FRAS1: variants seen among roughly 807,000 people sequenced by gnomAD.
FRAS1 encodes the protein Fraser extracellular matrix complex subunit 1, also known as extracellular matrix organizing protein FRAS1.
Under a neutral mutation model 435.2 loss-of-function variants are expected in FRAS1, and 290 were observed. That is an observed-to-expected ratio of 0.67 (90% CI 0.61 to 0.73). FRAS1 has a LOEUF of 0.73. Ranked by LOEUF, FRAS1 falls within the 30% of genes least tolerant of loss-of-function variation. FRAS1 has a pLI of 0.00. For synonymous variants in FRAS1, 1,800 were observed against 1,851.0 expected (o/e 0.97, Z 0.71); for missense variants, 4,860 against 5,001.5 (o/e 0.97, Z 0.85).
chr4:78,374,413 A>T (rs1419378585), intron 25 of FRAS1, among the ~76,000 whole-genome samples, 162 bp downstream of exon 25: 1 of 152,232 alleles, frequency 6.6e-6, no homozygotes, highest in Non-Finnish European at 1.5e-5. Flanking sequence ...TATCTGCCGT[A>T]TGTTGGTTAA....
intron 38 of FRAS1, among the ~76,000 whole-genome samples, chr4:78,435,982 A>G (rs1370959430): frequency 6.6e-6 from 1 of 152,218 alleles, no homozygotes; most frequent in Admixed American, 6.5e-5. Flanking sequence ...AGGGCGGAAC[A>G]TCTTAAACTA....
intron 2 of FRAS1, among the ~76,000 whole-genome samples, chr4:78,154,054 C>T (rs968794248): frequency 6.6e-6 from 1 of 151,740 alleles, no homozygotes; most frequent in Non-Finnish European, 1.5e-5. Context: ...ATTTGGATTG[C>T]AGATTATTCG....
chr4:78,412,408 T>C (rs1733377785), intron 31 of FRAS1, among the ~76,000 whole-genome samples: 1 of 152,214 alleles, frequency 6.6e-6, no homozygotes. Context: ...AAAGTTGATT[T>C]TGTGACCATT....
intron 26 of FRAS1, among the ~76,000 whole-genome samples, chr4:78,376,962 C>G (rs1404365115): frequency 6.6e-6 from 1 of 152,106 alleles, no homozygotes; most frequent in African/African-American, 2.4e-5. Flanking sequence ...CCACTGCACT[C>G]CAGCCTGGGT....
intron 2 of FRAS1, among the ~76,000 whole-genome samples, chr4:78,116,122 C>T (rs1384605072): frequency 3.9e-5 from 6 of 152,160 alleles, no homozygotes; most frequent in Non-Finnish European, 8.8e-5. Context: ...TATTCATTTT[C>T]CATGTAGTTG....
chr4:78,470,634 G>A (rs927567461), intron 51 of FRAS1, among the ~76,000 whole-genome samples: 17 of 152,178 alleles, frequency 1.1e-4, no homozygotes, highest in African/African-American at 3.9e-4. Flanking sequence ...TGTTTATATA[G>A]CATTTGTGCC....
intron 22 of FRAS1, among the ~76,000 whole-genome samples, chr4:78,365,061 A>G (rs996488767): frequency 2.6e-5 from 4 of 152,226 alleles, no homozygotes; most frequent in Admixed American, 1.3e-4. Flanking sequence ...ATAGTGGAGA[A>G]TAAGTTGTCA....
chr4:78,181,391 C>G, intron 2 of FRAS1: 1 of 1,611,988 alleles, frequency 6.2e-7, no homozygotes, highest in Non-Finnish European at 8.5e-7. Context: ...GTGAGATCCG[C>G]TACCTCCACG....
At chr4:78,402,217 A>G (rs1732921189) in intron 30 of FRAS1, among the ~76,000 whole-genome samples, 1 of 152,196 alleles carries the variant, frequency 6.6e-6, no homozygotes, top group South Asian at 2.1e-4. Flanking sequence ...AATTATAGCC[A>G]TTAAAAGTAA....
chr4:78,111,706 A>T (rs1742711165), intron 2 of FRAS1, among the ~76,000 whole-genome samples: 1 of 134,272 alleles, frequency 7.4e-6, no homozygotes, highest in Non-Finnish European at 1.6e-5. Context: ...TACATATGTA[A>T]CTAACCTGCA....
chr4:78,175,119 G>C (rs1004159418), intron 2 of FRAS1, among the ~76,000 whole-genome samples: 3 of 152,186 alleles, frequency 2.0e-5, no homozygotes, highest in Non-Finnish European at 1.5e-5. Flanking sequence ...GGCCCCATCC[G>C]GACACTGCCC....
intron 14 of FRAS1, among the ~76,000 whole-genome samples, chr4:78,307,728 T>C (rs976314641): frequency 3.3e-5 from 5 of 152,204 alleles, no homozygotes; most frequent in African/African-American, 4.8e-5. Flanking sequence ...GCATGGTGCA[T>C]GCACCCACTG....
intron 47 of FRAS1, among the ~76,000 whole-genome samples, chr4:78,453,454 T>C (rs1330120384): frequency 6.6e-6 from 1 of 152,142 alleles, no homozygotes; most frequent in Non-Finnish European, 1.5e-5. Context: ...GGGGAGAACC[T>C]ACACAAGCTG....
At chr4:78,395,375 A>T (rs1426765761) in intron 29 of FRAS1, among the ~76,000 whole-genome samples, 2 of 151,968 alleles carry the variant, frequency 1.3e-5, no homozygotes, top group Non-Finnish European at 2.9e-5. Flanking sequence ...TGTTATGTCC[A>T]TTTGTTCCAT....
chr4:78,432,775 C>T (rs1028742760), intron 38 of FRAS1, among the ~76,000 whole-genome samples, 171 bp downstream of exon 38: 1 of 152,206 alleles, frequency 6.6e-6, no homozygotes, highest in African/African-American at 2.4e-5. Context: ...TGCTGTTTAT[C>T]CTGCTTCTCC....
At chr4:78,209,434 G>A (rs1723411516) in intron 2 of FRAS1, among the ~76,000 whole-genome samples, 1 of 152,206 alleles carries the variant, frequency 6.6e-6, no homozygotes, top group South Asian at 2.1e-4. Flanking sequence ...TATTCCTCCA[G>A]CTCCCTCCCT....
Position 78,286,478 on chromosome 4 carries a change from G to T in FRAS1, c.1473G>T (p.Arg491=), listed in dbSNP as rs777000510. The change falls in exon 14 of 74, where the codon CGG becomes CGT. Residue 491 remains arginine, a synonymous_variant. Transcript: ENST00000512123. ...CSSCQPPLLM[R]HGQCVPTCGD... is the part of the protein sequence containing the mutation. The stretch of plus-strand genomic sequence containing the variant: ...CCTGCCAGCCTCCCCTGCTGATGCG[G>T]CACGGGCAGTGTGTGCCTACCTGTG... 5.6e-6 allele frequency: 9 copies of T among 1,613,634 alleles called. No individual in the cohort carries two copies. The highest frequency in any genetic ancestry group is 7.6e-6 in the Non-Finnish European group (9 of 1,179,868).
At chr4:78,273,951 T>C (rs1384911182) in intron 9 of FRAS1, among the ~76,000 whole-genome samples, 2 of 152,220 alleles carry the variant, frequency 1.3e-5, no homozygotes, top group Non-Finnish European at 2.9e-5. Context: ...TCCTGGACTT[T>C]TTTTGGTTGG....
At chr4:78,198,485 C>T (rs1312187744) in intron 2 of FRAS1, among the ~76,000 whole-genome samples, 1 of 152,118 alleles carries the variant, frequency 6.6e-6, no homozygotes, top group Non-Finnish European at 1.5e-5. Flanking sequence ...TTGAGAGGAA[C>T]CTAAACGAAA....
Sources: allele counts gnomAD v4.1 joint callset (sites outside exome capture counted in the v4.1 genomes callset), GRCh38; gene constraint gnomAD v4.1.1; transcripts MANE v1.5; gene names NCBI Gene and HGNC (gene_info 2026-07-23, HGNC 2026-07-21).